CACNB4: variants seen among roughly 807,000 people sequenced by gnomAD.
CACNB4 encodes calcium voltage-gated channel auxiliary subunit beta 4.
Under a neutral mutation model 71.2 loss-of-function variants are expected in CACNB4, and 32 were observed. The ratio of observed to expected loss-of-function variants is 0.45; its 90% confidence interval spans 0.34 to 0.60. CACNB4 has a LOEUF of 0.60. Ranked by LOEUF, CACNB4 falls within the 20% of genes least tolerant of loss-of-function variation. The pLI is 0.01. For missense variants in CACNB4, 464 were observed against 647.9 expected (o/e 0.72, Z 3.08); for synonymous variants, 231 against 236.9 (o/e 0.97, Z 0.23).
chr2:151,958,486 C>T (rs2099868877), intron 2 of CACNB4, among the ~76,000 whole-genome samples: 1 of 152,164 alleles, frequency 6.6e-6, no homozygotes, highest in African/African-American at 2.4e-5. Flanking sequence ...CTGAGATCCC[C>T]AGGGTCAGTG....
intron 2 of CACNB4, among the ~76,000 whole-genome samples, chr2:151,957,270 G>A (rs995367193): frequency 6.0e-5 from 9 of 150,498 alleles, no homozygotes; most frequent in Non-Finnish European, 8.9e-5. Context: ...GTGTGTGTGT[G>A]TGTGTGTGTG....
intron 2 of CACNB4, among the ~76,000 whole-genome samples, chr2:152,063,467 C>T (rs1309554286): frequency 6.6e-6 from 1 of 152,146 alleles, no homozygotes; most frequent in Non-Finnish European, 1.5e-5. Flanking sequence ...TGAACCCAGG[C>T]AATCTTGCTC....
At chr2:151,929,224 C>A (rs1040613892) in intron 2 of CACNB4, among the ~76,000 whole-genome samples, 1 of 149,672 alleles carries the variant, frequency 6.7e-6, no homozygotes, top group Admixed American at 6.6e-5. Context: ...GGAAAAGTAT[C>A]TGTAACTTCC....
intron 4 of CACNB4, among the ~76,000 whole-genome samples, chr2:151,877,667 A>C (rs2099846788): frequency 6.6e-6 from 1 of 152,230 alleles, no homozygotes; most frequent in South Asian, 2.1e-4. Flanking sequence ...GGTCCATCTT[A>C]CTACTTGAAG....
At chr2:152,036,357 T>C (rs904012652) in intron 2 of CACNB4, among the ~76,000 whole-genome samples, 2 of 152,236 alleles carry the variant, frequency 1.3e-5, no homozygotes, top group South Asian at 2.1e-4. Flanking sequence ...AGGAGGGCAG[T>C]GGCAGAATCT....
chr2:152,017,230 G>A lies in CACNB4; in HGVS notation c.147+81100C>T, dbSNP rs182397384. Among the ~76,000 whole-genome samples, 39 of 150,074 alleles carry A rather than the reference G, an allele frequency of 2.6e-4. 1 individual carries two copies. Among genetic ancestry groups the A allele is most frequent in the Non-Finnish European group, 5.1e-4 (35 of 68,022 alleles). ...TTCCATCCAGATATTCTGATTCAAC[G>A]TATCTGAGAAGGGACCTGTGCACCT... On this transcript the variant is annotated intron_variant, in intron 2 of 13. Coordinates refer to ENST00000539935, the MANE Select transcript of CACNB4 (RefSeq NM_000726.5).
chr2:151,967,470 ATT>A (rs34183583), intron 2 of CACNB4: 4 of 152,028 alleles, frequency 2.6e-5, no homozygotes. Context: ...AGAAGGCAAA[ATT>A]TTTTAAGTCT....
intron 9 of CACNB4, among the ~76,000 whole-genome samples, chr2:151,864,358 C>G (rs1239931250): frequency 6.6e-6 from 1 of 152,160 alleles, no homozygotes; most frequent in African/African-American, 2.4e-5. Flanking sequence ...AGAATTCATC[C>G]TAACTGCTGC....
intron 2 of CACNB4, among the ~76,000 whole-genome samples, chr2:151,944,308 G>C (rs1055996912): frequency 6.6e-6 from 1 of 152,032 alleles, no homozygotes; most frequent in Non-Finnish European, 1.5e-5. Context: ...CCAAAGCGCT[G>C]GGATTACAGG....
In CACNB4 at chr2:152,091,710, C is replaced by T. The variant is rs566877910; in HGVS notation, c.147+6620G>A. ...TCCCTCAGATCCACTCCTCCCACTC[C>T]GCTGCTCTACTTTCCATCTCAGAGG... On this transcript the variant is annotated intron_variant, in intron 2 of 13. Transcript: ENST00000539935. Among the ~76,000 whole-genome samples, 7 of 152,268 alleles carry T rather than the reference C, an allele frequency of 4.6e-5. No individual in the cohort carries two copies. In the South Asian group the frequency reaches 6.2e-4, roughly 14 times the overall value.
At chr2:151,870,481 T>A in intron 8 of CACNB4, 50 bp downstream of exon 8, 1 of 1,464,662 alleles carries the variant, frequency 6.8e-7, no homozygotes, top group Admixed American at 1.7e-5. Flanking sequence ...AACATGACTG[T>A]CTCCTGGGTG....
intron 2 of CACNB4, among the ~76,000 whole-genome samples, chr2:151,976,150 T>C (rs1340094739): frequency 6.6e-6 from 1 of 152,214 alleles, no homozygotes; most frequent in African/African-American, 2.4e-5. Flanking sequence ...CAGCCTGTGG[T>C]TGCTCCTGCA....
chr2:152,016,287 T>G (rs909504094), intron 2 of CACNB4, among the ~76,000 whole-genome samples: 1 of 152,242 alleles, frequency 6.6e-6, no homozygotes, highest in Non-Finnish European at 1.5e-5. Flanking sequence ...GAAAATACTT[T>G]GTACAAACTA....
intron 9 of CACNB4, chr2:151,868,794 A>G (rs1578539409): frequency 1.3e-5 from 2 of 153,302 alleles, no homozygotes; most frequent in East Asian, 3.8e-4. Context: ...ACACACACAC[A>G]CACACACACA....
chr2:151,958,301 GC>G (rs2099868828), intron 2 of CACNB4, among the ~76,000 whole-genome samples: 1 of 152,176 alleles, frequency 6.6e-6, no homozygotes, highest in African/African-American at 2.4e-5. Flanking sequence ...ATAGGTACAG[GC>G]CCGGAACAGA....
chr2:151,904,046 A>C (rs1358638298), intron 2 of CACNB4, among the ~76,000 whole-genome samples: 2 of 152,230 alleles, frequency 1.3e-5, no homozygotes, highest in East Asian at 3.8e-4. Context: ...CATCCTAAAA[A>C]ATGTATGGCA....
Position 151,921,002 on chromosome 2 carries a change from A to G in CACNB4, c.148-37632T>C, listed in dbSNP as rs941062967. ...AAATACAAAAAGAAATTAGCTGGGCATGGTGGTGGGCACCTGTAGTCCCAG... is the reference window on the plus strand; with the variant it reads ...AAATACAAAAAGAAATTAGCTGGGCGTGGTGGTGGGCACCTGTAGTCCCAG... On this transcript the variant is annotated intron_variant, in intron 2 of 13. Transcript: ENST00000539935. 2.6e-5 allele frequency among the ~76,000 whole-genome samples: 4 copies of G among 152,100 alleles called. No homozygotes were observed. The East Asian group carries it at 5.8e-4, about 22-fold the overall frequency.
chr2:151,885,009 G>A (rs1158737496), intron 2 of CACNB4, among the ~76,000 whole-genome samples: 1 of 152,216 alleles, frequency 6.6e-6, no homozygotes, highest in Non-Finnish European at 1.5e-5. Flanking sequence ...TTTTCTACAT[G>A]TAGAAATGTT....
At chr2:152,027,497 C>T (rs1020658033) in intron 2 of CACNB4, among the ~76,000 whole-genome samples, 15 of 152,208 alleles carry the variant, frequency 9.9e-5, no homozygotes, top group African/African-American at 3.1e-4. Flanking sequence ...ACCTCCCCTC[C>T]TGACTCACAC....
Sources: allele counts gnomAD v4.1 joint callset (sites outside exome capture counted in the v4.1 genomes callset), GRCh38; gene constraint gnomAD v4.1.1; transcripts MANE v1.5; gene names NCBI Gene and HGNC (gene_info 2026-07-23, HGNC 2026-07-21).